Variants in SOX30 observed in about 807,000 individuals in gnomAD.
SOX30 encodes the protein transcription factor SOX-30.
In SOX30, 17 loss-of-function variants were observed where a neutral mutation model predicts 58.6. The observed-to-expected ratio is 0.29, with a 90% confidence interval of 0.20 to 0.44. The LOEUF (loss-of-function observed/expected upper bound fraction) is 0.44, where lower values mean the gene tolerates loss of function less well. Ranked by LOEUF, SOX30 falls within the 20% of genes least tolerant of loss-of-function variation. The probability of loss-of-function intolerance (pLI) is 1.00; values close to 1 mark genes in which losing one functional copy is unlikely to be tolerated. For missense variants in SOX30, 951 were observed against 965.8 expected (o/e 0.98, Z 0.20); for synonymous variants, 421 against 400.2 (o/e 1.05, Z -0.62).
At chr5:157,626,767 T>A in intron 4 of SOX30, 46 bp from the exon 5 acceptor site, 2 of 1,543,204 alleles carry the variant, frequency 1.3e-6, no homozygotes, top group Non-Finnish European at 1.7e-6. Context: ...TGCCCACATA[T>A]TGCCTTGCAT....
chr5:157,652,208 T>C lies in SOX30; in HGVS notation c.-130A>G. 1 of 1,316,062 alleles carries C rather than the reference T, an allele frequency of 7.6e-7. No individual in the cohort carries two copies. Among genetic ancestry groups the C allele is most frequent in the African/African-American group, 1.5e-5 (1 of 64,868 alleles). 81.5% of individuals were successfully genotyped at this position (1,316,062 alleles called of 1,614,324 possible). On this transcript the variant is annotated 5_prime_UTR_variant, in exon 1 of 5. Coordinates refer to ENST00000265007, the MANE Select transcript of SOX30 (RefSeq NM_178424.2). ...AACCCTACGCGGTTCAAAACGCAGCTGTCTGTCTGGGCCTCACCCAATCAC... is the reference window on the plus strand; with the variant it reads ...AACCCTACGCGGTTCAAAACGCAGCCGTCTGTCTGGGCCTCACCCAATCAC...
In SOX30 at chr5:157,627,891, G is replaced by A. The variant is rs562328632; in HGVS notation, c.1881-1170C>T. On this transcript the variant is annotated intron_variant, in intron 4 of 4. Coordinates refer to ENST00000265007, the MANE Select transcript of SOX30 (RefSeq NM_178424.2). The stretch of plus-strand genomic sequence containing the variant: ...CGCCTGTAGTCCCAGCTACTCAGGA[G>A]GCTGAGGCAGGAGAATGGCGTGAAC... 1.9e-4 allele frequency among the ~76,000 whole-genome samples: 29 copies of A among 152,162 alleles called. No individual in the cohort carries two copies. In the East Asian group the frequency reaches 4.1e-3, roughly 21 times the overall value.
Position 157,626,283 on chromosome 5 carries a change from A to G in SOX30, c.*57T>C, listed in dbSNP as rs1215639455. 1 of 1,433,372 alleles carries G rather than the reference A, an allele frequency of 7.0e-7. No individual in the cohort carries two copies. Among genetic ancestry groups the G allele is most frequent in the Non-Finnish European group, 9.3e-7 (1 of 1,070,036 alleles). 88.8% of individuals were successfully genotyped at this position (1,433,372 alleles called of 1,614,324 possible). Reference sequence around the variant, plus strand: ...CTAGGCTTTTTTTTTTCTCATACCAACTGACCCAGAATATATTTTAAGAAA... The same window carrying G: ...CTAGGCTTTTTTTTTTCTCATACCAGCTGACCCAGAATATATTTTAAGAAA... On this transcript the variant is annotated 3_prime_UTR_variant, in exon 5 of 5. Coordinates refer to ENST00000265007, the MANE Select transcript of SOX30 (RefSeq NM_178424.2).
upstream of SOX30, among the ~76,000 whole-genome samples, chr5:157,656,131 GTCCTTTA>G (rs1402419730): frequency 5.5e-4 from 83 of 152,274 alleles, no homozygotes; most frequent in African/African-American, 1.8e-3. Context: ...TAGGAGATGA[GTCCTTTA>G]TCTTTTGTCT....
At chr5:157,668,033 C>T (rs763116662) in intron 1 of SOX30, among the ~76,000 whole-genome samples, 2 of 152,196 alleles carry the variant, frequency 1.3e-5, no homozygotes, top group Non-Finnish European at 2.9e-5. Flanking sequence ...CCAGGCCATA[C>T]GATGCACAGG....
Position 157,651,564 on chromosome 5 carries a change from C to T in SOX30, c.515G>A (p.Gly172Glu). Residue 172 changes from glycine to glutamate, a missense_variant, in exon 1 of 5, where the codon GGG becomes GAG. Physicochemically the swap from Gly to Glu is moderately conservative, Grantham distance 98. Coordinates refer to ENST00000265007, the MANE Select transcript of SOX30 (RefSeq NM_178424.2). ...ASRVVKLEGP[G>E]PALGYFRGDE... ...CCCTCGGAAGTAGCCGAGGGCCGGC[C>T]CGGGGCCTTCCAACTTGACCACCCT... 6.2e-7 allele frequency: 1 copy of T among 1,613,328 alleles called. No homozygotes were observed. The highest frequency in any genetic ancestry group is 8.5e-7 in the Non-Finnish European group (1 of 1,180,010).
chr5:157,661,788 T>C (rs997629462), intron 2 of SOX30, among the ~76,000 whole-genome samples: 1 of 152,226 alleles, frequency 6.6e-6, no homozygotes, highest in African/African-American at 2.4e-5. Flanking sequence ...ATTTAAACAA[T>C]TTTAGCATTT....
At chr5:157,639,423 A>G (rs1172929396) in intron 3 of SOX30, among the ~76,000 whole-genome samples, 1 of 152,198 alleles carries the variant, frequency 6.6e-6, no homozygotes, top group Non-Finnish European at 1.5e-5. Context: ...AAAAACTTAA[A>G]CAACAAAATT....
rs530507683 is a variant in SOX30, at chr5:157,665,616, AAAAT to A, written c.52+2178_52+2181del. Among the ~76,000 whole-genome samples, 442 of 148,454 alleles carry A rather than the reference AAAAT, an allele frequency of 3.0e-3. 5 individuals are homozygous for A. The highest frequency in any genetic ancestry group is 1.0e-2 in the African/African-American group (408 of 40,904). On this transcript the variant is annotated intron_variant, in intron 2 of 5. Transcript: ENST00000519442. ...AGTATAATAAAAAATAAAATAAAAT[AAAAT>A]AAATATATATTTTAAATATACATTT... is the stretch of plus-strand genomic sequence containing the variant.
intron 3 of SOX30, among the ~76,000 whole-genome samples, chr5:157,641,336 G>A (rs1360208781): frequency 6.6e-6 from 1 of 152,204 alleles, no homozygotes; most frequent in Non-Finnish European, 1.5e-5. Flanking sequence ...ACAAGTGCTG[G>A]GCGTGGTGGC....
At chr5:157,626,957 TCTTAC>T (rs1352608098) in intron 4 of SOX30, among the ~76,000 whole-genome samples, 1 of 152,228 alleles carries the variant, frequency 6.6e-6, no homozygotes, top group Non-Finnish European at 1.5e-5. Context: ...GCCTCAGGCT[TCTTAC>T]CTTTGACAAC....
At chr5:157,655,836 G>A (rs1759460712), upstream of SOX30, among the ~76,000 whole-genome samples, 1 of 152,242 alleles carries the variant, frequency 6.6e-6, no homozygotes, top group Non-Finnish European at 1.5e-5. Flanking sequence ...TGTGAGGCTA[G>A]TCTTAAGCTG....
At chr5:157,646,424 C>A (rs912995688) in intron 3 of SOX30, among the ~76,000 whole-genome samples, 4 of 152,326 alleles carry the variant, frequency 2.6e-5, no homozygotes, top group African/African-American at 9.6e-5. Flanking sequence ...TGAGGTTTTA[C>A]ACATGGATTA....
At chr5:157,657,657 G>A (rs556115366) in intron 2 of SOX30, among the ~76,000 whole-genome samples, 10 of 152,266 alleles carry the variant, frequency 6.6e-5, no homozygotes, top group Middle Eastern at 3.4e-3. Flanking sequence ...CAGAGTCAAG[G>A]AAACTTATCT....
Position 157,652,276 on chromosome 5 carries a change from C to T in SOX30, c.-198G>A. ...GACGGCCAATCACAGGCGGGTTTTC[C>T]GGCTCTTCCTGGTCCCTACTCTCGC... On this transcript the variant is annotated 5_prime_UTR_variant, in exon 1 of 5. Transcript: ENST00000265007. 6.4e-6 allele frequency: 8 copies of T among 1,251,356 alleles called. No homozygotes were observed. Among genetic ancestry groups the T allele is most frequent in the South Asian group, 7.3e-5 (2 of 27,562 alleles). 77.5% of individuals were successfully genotyped at this position (1,251,356 alleles called of 1,614,324 possible).
chr5:157,635,227 A>G (rs1222576574), intron 4 of SOX30, among the ~76,000 whole-genome samples: 2 of 152,248 alleles, frequency 1.3e-5, no homozygotes, highest in African/African-American at 4.8e-5. Flanking sequence ...TAAATGAAAT[A>G]AAATTCAGTA....
intron 4 of SOX30, among the ~76,000 whole-genome samples, chr5:157,635,752 T>TA (rs1261357102): frequency 6.6e-6 from 1 of 152,242 alleles, no homozygotes; most frequent in African/African-American, 2.4e-5. Context: ...ATAAATAAGA[T>TA]AGACTTCTAT....
intron 2 of SOX30, among the ~76,000 whole-genome samples, chr5:157,664,230 T>C (rs1275506905): frequency 2.0e-5 from 3 of 152,184 alleles, no homozygotes; most frequent in Non-Finnish European, 4.4e-5. Flanking sequence ...AGCATGATAC[T>C]GGTACCAAAC....
chr5:157,670,501 T>G (rs1759758798), intron 1 of SOX30, among the ~76,000 whole-genome samples: 1 of 152,156 alleles, frequency 6.6e-6, no homozygotes, highest in African/African-American at 2.4e-5. Flanking sequence ...TTTCTTGCTT[T>G]GGATAGGGAA....
Sources: gnomAD v4.1 joint callset for allele counts (sites outside exome capture counted in the v4.1 genomes callset) on GRCh38, gnomAD v4.1.1 for gene constraint, MANE v1.5 for transcripts, NCBI Gene and HGNC (gene_info 2026-07-23, HGNC 2026-07-21) for gene names.